SRGAP3: variants seen among roughly 807,000 people sequenced by gnomAD.
The protein encoded by SRGAP3 is SLIT-ROBO Rho GTPase activating protein 3.
A neutral mutation model predicts 121.1 loss-of-function variants in SRGAP3; 39 were observed. That is an observed-to-expected ratio of 0.32 (90% confidence interval 0.25 to 0.42). The LOEUF (loss-of-function observed/expected upper bound fraction) is 0.42, where lower values mean the gene tolerates loss of function less well. SRGAP3 is among the 10% of genes least tolerant of loss of function. SRGAP3 has a pLI of 1.00. For synonymous variants in SRGAP3, 601 were observed against 570.0 expected (o/e 1.05, Z -0.77); for missense variants, 1,213 against 1,470.6 (o/e 0.82, Z 2.86).
At chr3:9,276,582 C>T (rs1954582985) in intron 3 of SRGAP3, among the ~76,000 whole-genome samples, 1 of 152,164 alleles carries the variant, frequency 6.6e-6, no homozygotes, top group African/African-American at 2.4e-5. Flanking sequence ...CACACCACCA[C>T]ACCTGGCTAA....
At chr3:9,038,703 C>G (rs1320316465) in intron 10 of SRGAP3, among the ~76,000 whole-genome samples, 1 of 152,198 alleles carries the variant, frequency 6.6e-6, no homozygotes, top group Non-Finnish European at 1.5e-5. Context: ...CATGTGCATG[C>G]CTCCACGAGG....
intron 1 of SRGAP3, among the ~76,000 whole-genome samples, chr3:9,178,596 A>G (rs1356007559): frequency 1.3e-5 from 2 of 152,184 alleles, no homozygotes; most frequent in East Asian, 3.9e-4. Flanking sequence ...CCAGAGAGGA[A>G]TCAATCATCC....
chr3:9,115,647 A>T (rs1948778967), intron 2 of SRGAP3, among the ~76,000 whole-genome samples: 1 of 152,196 alleles, frequency 6.6e-6, no homozygotes, highest in Non-Finnish European at 1.5e-5. Flanking sequence ...CATTTAAAAA[A>T]AAAATTGTGG....
At chr3:9,077,211 C>A (rs780465328) in intron 4 of SRGAP3, among the ~76,000 whole-genome samples, 36 of 145,698 alleles carry the variant, frequency 2.5e-4, no homozygotes, top group Non-Finnish European at 4.2e-4. Context: ...AGACCAGTTT[C>A]TTTCATGTAT....
chr3:9,085,996 C>G (rs948948564), intron 3 of SRGAP3, among the ~76,000 whole-genome samples: 5 of 152,166 alleles, frequency 3.3e-5, no homozygotes, highest in Admixed American at 2.0e-4. Context: ...AGCTCCCCAC[C>G]AGGCTGGCTA....
chr3:9,061,784 C>G (rs1010156381), intron 5 of SRGAP3, among the ~76,000 whole-genome samples: 5 of 152,086 alleles, frequency 3.3e-5, no homozygotes, highest in Non-Finnish European at 7.3e-5. Context: ...CAGCCAGAGC[C>G]GCCCATCTCA....
chr3:9,147,031 C>T (rs367763164), intron 1 of SRGAP3, among the ~76,000 whole-genome samples: 11 of 152,150 alleles, frequency 7.2e-5, no homozygotes, highest in African/African-American at 2.7e-4. Context: ...TAGCACTTAC[C>T]AAGTACTGAA....
At chr3:9,238,491 C>T (rs1206150774) in intron 1 of SRGAP3, among the ~76,000 whole-genome samples, 5 of 152,222 alleles carry the variant, frequency 3.3e-5, no homozygotes, top group South Asian at 2.1e-4. Context: ...CCTTGTTCCC[C>T]GCCCCACCAC....
intron 3 of SRGAP3, among the ~76,000 whole-genome samples, chr3:9,265,936 G>A (rs10754386): frequency 6.6e-6 from 1 of 152,124 alleles, no homozygotes; most frequent in African/African-American, 2.4e-5. Context: ...TATTTATTGA[G>A]GCACTATTCA....
chr3:9,106,630 A>G (rs1298530614), intron 2 of SRGAP3, among the ~76,000 whole-genome samples: 1 of 152,116 alleles, frequency 6.6e-6, no homozygotes, highest in African/African-American at 2.4e-5. Flanking sequence ...AATACGTTTC[A>G]TAAGATCTGA....
At chr3:9,155,280 T>C (rs1000608733) in intron 1 of SRGAP3, among the ~76,000 whole-genome samples, 8 of 152,330 alleles carry the variant, frequency 5.3e-5, no homozygotes, top group African/African-American at 9.6e-5. Flanking sequence ...GGCTAGCCGT[T>C]GTCCCTTTGT....
chr3:9,168,040 G>C (rs776901002), intron 1 of SRGAP3, among the ~76,000 whole-genome samples: 1 of 152,162 alleles, frequency 6.6e-6, no homozygotes. Flanking sequence ...AAGTCTATGC[G>C]GTAGGTGACA....
At chr3:9,334,063 A>G (rs1394370926) in intron 1 of SRGAP3, among the ~76,000 whole-genome samples, 2 of 152,114 alleles carry the variant, frequency 1.3e-5, no homozygotes, top group Non-Finnish European at 2.9e-5. Context: ...TAATATTAAT[A>G]TTAATATCAT....
chr3:9,353,985 C>T (rs1237985607), intron 1 of SRGAP3, among the ~76,000 whole-genome samples: 1 of 152,156 alleles, frequency 6.6e-6, no homozygotes, highest in African/African-American at 2.4e-5. Flanking sequence ...CCTTGTCTCA[C>T]AGTGCGGGGG....
intron 3 of SRGAP3, among the ~76,000 whole-genome samples, chr3:9,086,664 T>G (rs1477488972): frequency 7.2e-6 from 1 of 139,250 alleles, no homozygotes; most frequent in Non-Finnish European, 1.6e-5. Flanking sequence ...AAATACATAT[T>G]ATATGTATCT....
At chr3:9,203,882 T>C (rs770289013) in intron 1 of SRGAP3, among the ~76,000 whole-genome samples, 11 of 152,200 alleles carry the variant, frequency 7.2e-5, no homozygotes, top group Middle Eastern at 3.4e-3. Flanking sequence ...CCTTGTAGAG[T>C]AGGCAGGGCA....
intron 1 of SRGAP3, among the ~76,000 whole-genome samples, chr3:9,359,251 T>C (rs2030672412): frequency 6.6e-6 from 1 of 152,190 alleles, no homozygotes. Context: ...TTTCCTGTAA[T>C]GGATAATGAG....
chr3:9,335,322 G>A (rs953281064), intron 1 of SRGAP3, among the ~76,000 whole-genome samples: 9 of 152,276 alleles, frequency 5.9e-5, no homozygotes, highest in South Asian at 2.1e-4. Flanking sequence ...AGATTTGTAC[G>A]TGTGAGTGAA....
chr3:8,985,813 T>A lies in SRGAP3; in HGVS notation c.3006A>T (p.Pro1002=). The change falls in exon 22 of 22, where the codon CCA becomes CCT. Residue 1002 remains proline, a synonymous_variant. Transcript: ENST00000383836. The surrounding 1 kb of genome is among the most constrained non-coding windows in gnomAD (Gnocchi z 5.1). ...LDTLEPLKNP[P]GPVSSEPASP... ...TGGCGGGCTCCGAGCTGACGGGGCC[T>A]GGCGGGTTCTTCAGGGGCTCCAGGG... 1 of 1,600,382 alleles carries A rather than the reference T, an allele frequency of 6.2e-7. No homozygotes were observed. The highest frequency in any genetic ancestry group is 8.5e-7 in the Non-Finnish European group (1 of 1,179,852).
Sources: gnomAD v4.1 joint callset for allele counts (sites outside exome capture counted in the v4.1 genomes callset) on GRCh38, gnomAD v4.1.1 for gene constraint, Gnocchi (gnomAD v3.1) non-coding constraint, MANE v1.5 for transcripts, NCBI Gene and HGNC (gene_info 2026-07-23, HGNC 2026-07-21) for gene names.